LSG1: variants seen among roughly 807,000 people sequenced by gnomAD.
The protein encoded by LSG1 is large 60S subunit nuclear export GTPase 1, also known as large subunit GTPase 1 homolog.
A neutral mutation model predicts 82.6 loss-of-function variants in LSG1; 55 were observed. That is an observed-to-expected ratio of 0.67 (90% CI 0.54 to 0.83). The LOEUF (loss-of-function observed/expected upper bound fraction) is 0.83, where lower values mean the gene tolerates loss of function less well. Ranked by LOEUF, LSG1 falls within the 40% of genes least tolerant of loss-of-function variation. LSG1 has a pLI of 0.00. For missense variants in LSG1, 809 were observed against 807.9 expected (o/e 1.00, Z -0.02); for synonymous variants, 272 against 282.5 (o/e 0.96, Z 0.37).
intron 7 of LSG1, among the ~76,000 whole-genome samples, chr3:194,653,880 A>G (rs762586333): frequency 2.0e-5 from 3 of 152,182 alleles, no homozygotes; most frequent in Non-Finnish European, 2.9e-5. Context: ...ACAAAAACAA[A>G]CAGAAAACCA....
intron 1 of LSG1, 129 bp from the exon 2 acceptor site, chr3:194,670,264 C>T (rs1243472212): frequency 2.5e-6 from 2 of 790,310 alleles, no homozygotes; most frequent in Non-Finnish European, 2.0e-6. Flanking sequence ...ATCAATACTA[C>T]TTATAGTTAA....
intron 7 of LSG1, among the ~76,000 whole-genome samples, chr3:194,656,300 T>C (rs1380419393): frequency 1.1e-5 from 1 of 92,162 alleles, no homozygotes; most frequent in African/African-American, 2.9e-5. Flanking sequence ...CCAACAAATT[T>C]ACAAGAAAAA....
chr3:194,665,881 A>G (rs940142209), intron 4 of LSG1, among the ~76,000 whole-genome samples: 14 of 152,208 alleles, frequency 9.2e-5, no homozygotes, highest in African/African-American at 3.4e-4. Context: ...CCTATCACAC[A>G]AAGTCATTTC....
rs540857174 is a variant in LSG1, at chr3:194,664,899, A to AG, written c.521+657_521+658insC. 3.5e-4 allele frequency among the ~76,000 whole-genome samples: 53 copies of AG among 152,218 alleles called. 3 individuals are homozygous for AG. In the South Asian group the frequency reaches 8.9e-3, roughly 26 times the overall value. Reference sequence around the variant, plus strand: ...CGTGCCATTGCACTCCAGCCTGGGCAATAAGAGCAAAACTCCGTCTCAAAT... The same window carrying AG: ...CGTGCCATTGCACTCCAGCCTGGGCAGATAAGAGCAAAACTCCGTCTCAAAT... On this transcript the variant is annotated intron_variant, in intron 5 of 13. Coordinates refer to ENST00000265245, the MANE Select transcript of LSG1 (RefSeq NM_018385.3).
At chr3:194,671,124 A>G (rs916509329) in intron 1 of LSG1, among the ~76,000 whole-genome samples, 1 of 152,202 alleles carries the variant, frequency 6.6e-6, no homozygotes, top group Admixed American at 6.5e-5. Flanking sequence ...TGATGAATGA[A>G]TTTCCTAAAT....
intron 11 of LSG1, among the ~76,000 whole-genome samples, chr3:194,647,682 G>T (rs1385776322): frequency 2.6e-5 from 4 of 152,150 alleles, no homozygotes; most frequent in Non-Finnish European, 5.9e-5. Context: ...AATCAAACTG[G>T]AAGTTTGGTG....
intron 7 of LSG1, among the ~76,000 whole-genome samples, chr3:194,654,959 C>T (rs1718762795): frequency 6.6e-6 from 1 of 152,026 alleles, no homozygotes; most frequent in Non-Finnish European, 1.5e-5. Flanking sequence ...AGAAGATGAC[C>T]CAAACTTCCA....
intron 13 of LSG1, among the ~76,000 whole-genome samples, 170 bp downstream of exon 13, chr3:194,644,396 AAATAAAT>A (rs1373187400): frequency 3.2e-4 from 42 of 131,146 alleles, no homozygotes; most frequent in African/African-American, 1.2e-3. Flanking sequence ...ATAAATAAAT[AAATAAAT>A]AAATAAATAA....
chr3:194,648,958 C>T (rs1260101516), intron 10 of LSG1, 154 bp from the exon 11 acceptor site: 1 of 704,168 alleles, frequency 1.4e-6, no homozygotes, highest in African/African-American at 1.8e-5. Flanking sequence ...TCTAAAAAGA[C>T]TCAGTTGTTT....
chr3:194,670,058 A>G lies in LSG1; in HGVS notation c.177T>C (p.Leu59=). ...NLQSVTEQSS[L]DDFLATAELA... ...GTTCTGCAGTAGCAAGGAAGTCATC[A>G]AGGGAGCTCTGTTCAGTCACTGACT... The change falls in exon 2 of 14, where the codon CTT becomes CTC. Residue 59 remains leucine, a synonymous_variant. Transcript: ENST00000265245. 6.2e-7 allele frequency: 1 copy of G among 1,614,124 alleles called. No individual in the cohort carries two copies. The highest frequency in any genetic ancestry group is 1.1e-5 in the South Asian group (1 of 91,084).
intron 7 of LSG1, among the ~76,000 whole-genome samples, chr3:194,656,375 C>T (rs1718790564): frequency 6.6e-6 from 1 of 151,996 alleles, no homozygotes; most frequent in South Asian, 2.1e-4. Flanking sequence ...GACATTTATG[C>T]AGCCAAAAAA....
At chr3:194,649,950 C>T (rs898796223) in intron 10 of LSG1, among the ~76,000 whole-genome samples, 3 of 151,660 alleles carry the variant, frequency 2.0e-5, no homozygotes, top group South Asian at 2.1e-4. Flanking sequence ...GCAAGAGTCT[C>T]GCTTTGTGGC....
At chr3:194,651,404 T>C (rs1024048422) in intron 8 of LSG1, 188 bp from the exon 9 acceptor site, 6 of 587,132 alleles carry the variant, frequency 1.0e-5, no homozygotes, top group Non-Finnish European at 1.8e-5. Context: ...TTCAGACACA[T>C]CTCCAGTGAC....
At chr3:194,642,479 C>T (rs1194863709) in intron 13 of LSG1, among the ~76,000 whole-genome samples, 2 of 151,584 alleles carry the variant, frequency 1.3e-5, no homozygotes, top group Non-Finnish European at 2.9e-5. Flanking sequence ...CTTTCAAATG[C>T]CATCTACAAC....
intron 10 of LSG1, among the ~76,000 whole-genome samples, chr3:194,649,836 C>G (rs537343165): frequency 1.3e-5 from 2 of 152,208 alleles, no homozygotes; most frequent in African/African-American, 4.8e-5. Flanking sequence ...CTATTTTCTG[C>G]TAGTATCTAC....
chr3:194,665,505 A>C (rs1719013061), intron 5 of LSG1, 52 bp downstream of exon 5: 1 of 1,363,794 alleles, frequency 7.3e-7, no homozygotes, highest in African/African-American at 1.4e-5. Flanking sequence ...AGCCAAATCG[A>C]ATATAACTTC....
rs1342773691 is a variant in LSG1 at position 194,665,411 on chromosome 3, A to G, written c.521+146T>C. On this transcript the variant is annotated intron_variant, in intron 5 of 13. Coordinates refer to ENST00000265245, the MANE Select transcript of LSG1 (RefSeq NM_018385.3). ...AAAAAAACTATACAAAATATACGGT[A>G]GTATCATGCTGTGTTTTTATAATTC... 3.8e-5 allele frequency: 20 copies of G among 525,016 alleles called. 1 individual carries two copies. The South Asian group carries it at 4.1e-4, about 11-fold the overall frequency. The allele number at this position is 525,016 out of a possible 1,614,324, so 32.5% of individuals were successfully genotyped here. A position where few individuals can be genotyped will look rare whatever the true frequency, so the allele number is the denominator to read the frequency against.
chr3:194,672,141 C>T lies in LSG1; in HGVS notation c.22G>A (p.Ala8Thr), dbSNP rs1211428092. ...AGGGCCCGTCCCAGCGACCCACCGG[C>T]CGGGGCTCTCCTCCGGCCCATGGCA... MGRRRAPAGGSLGRALMR... is the reference protein window; with the variant it reads MGRRRAPTGGSLGRALMR... Residue 8 changes from alanine (A) to threonine (T), a missense_variant, in exon 1 of 14, where the codon GCC becomes ACC. Transcript: ENST00000265245. 6.2e-7 allele frequency: 1 copy of T among 1,604,754 alleles called. No individual in the cohort carries two copies. Among genetic ancestry groups the T allele is most frequent in the South Asian group, 1.1e-5 (1 of 91,084 alleles).
At chr3:194,651,076 A>T in intron 9 of LSG1, 39 bp downstream of exon 9, 2 of 1,614,110 alleles carry the variant, frequency 1.2e-6, no homozygotes, top group South Asian at 2.2e-5. Flanking sequence ...TAAAAGGAAG[A>T]AAGAGCTGCA....
Sources: gnomAD v4.1 joint callset for allele counts (sites outside exome capture counted in the v4.1 genomes callset) on GRCh38, gnomAD v4.1.1 for gene constraint, MANE v1.5 for transcripts, NCBI Gene and HGNC (gene_info 2026-07-23, HGNC 2026-07-21) for gene names.